HGF: variants seen among roughly 807,000 people sequenced by gnomAD.
The protein encoded by HGF is hepatocyte growth factor, also known as fibroblast-derived tumor cytotoxic factor.
Under a neutral mutation model 111.6 loss-of-function variants are expected in HGF, and 39 were observed. The observed-to-expected ratio is 0.35, with a 90% CI of 0.27 to 0.46. The LOEUF is 0.46. Ranked by LOEUF, HGF falls within the 20% of genes least tolerant of loss-of-function variation. HGF has a pLI of 1.00. For missense variants in HGF, 735 were observed against 910.5 expected (o/e 0.81, Z 2.48); for synonymous variants, 285 against 294.8 (o/e 0.97, Z 0.34).
chr7:81,750,749 A>C (rs1388377860), intron 5 of HGF: 2 of 176,066 alleles, frequency 1.1e-5, no homozygotes, highest in African/African-American at 4.8e-5. Flanking sequence ...TTTCAGGTCA[A>C]ACAAAACCCC....
chr7:81,720,838 C>G lies in HGF; in HGVS notation c.1178G>C (p.Arg393Pro). Residue 393 changes from arginine (R) to proline (P), a missense_variant, in exon 10 of 18, where the codon CGT (arginine) becomes CCT (proline). Physicochemically the swap from Arg to Pro is moderately radical, Grantham distance 103 (BLOSUM62 -2). Transcript: ENST00000222390. ...GCCCATATAATTTTTGCCATTCCCA[C>G]GATAACAATCTAGACATAAAATATA... ...CDMSHGQDCY[R>P]GNGKNYMGNL... The G allele has an allele frequency of 1.3e-6, 2 of 1,570,634 alleles. No individual in the cohort carries two copies. Among genetic ancestry groups the G allele is most frequent in the South Asian group, 1.1e-5 (1 of 90,150 alleles).
At chr7:81,762,009 C>T (rs1789109754) in intron 2 of HGF, among the ~76,000 whole-genome samples, 3 of 152,132 alleles carry the variant, frequency 2.0e-5, no homozygotes, top group Non-Finnish European at 4.4e-5. Context: ...GCAGCTCACT[C>T]CCGCTGTGAG....
At chr7:81,734,860 A>C (rs1267586405) in intron 7 of HGF, among the ~76,000 whole-genome samples, 2 of 151,942 alleles carry the variant, frequency 1.3e-5, no homozygotes, top group Non-Finnish European at 1.5e-5. Context: ...CCAAAAGAAA[A>C]CCCAGATTTC....
intron 8 of HGF, among the ~76,000 whole-genome samples, chr7:81,726,889 A>G (rs1790026084): frequency 6.6e-6 from 1 of 152,010 alleles, no homozygotes; most frequent in African/African-American, 2.4e-5. Flanking sequence ...AATTTTAAAT[A>G]AGTAGGTGCT....
chr7:81,734,724 G>T (rs1787769289), intron 7 of HGF, among the ~76,000 whole-genome samples: 1 of 152,090 alleles, frequency 6.6e-6, no homozygotes, highest in South Asian at 2.1e-4. Flanking sequence ...AATGGTAACT[G>T]GAGAGGAGGA....
chr7:81,729,370 C>A (rs375533770), intron 8 of HGF, among the ~76,000 whole-genome samples: 45 of 152,284 alleles, frequency 3.0e-4, no homozygotes, highest in African/African-American at 1.1e-3. Context: ...CATAGTGAAT[C>A]TACCCTCTGG....
chr7:81,758,180 G>A (rs949670336), intron 3 of HGF, among the ~76,000 whole-genome samples: 1 of 151,506 alleles, frequency 6.6e-6, no homozygotes, highest in African/African-American at 2.4e-5. Flanking sequence ...CAAATAATAT[G>A]GTCTCAATTC....
At position 81,736,894 on chromosome 7, in the gene HGF, G is replaced by GATGTGTGTGTGTGT. The variant is rs1554369033; in HGVS notation, c.865+6458_865+6459insACACACACACACAT. ...AGGGTTTTTAATTTATGTGTAGAGG[G>GATGTGTGTGTGTGT]GTGTGTGTGTGTGTGTGTGTGTGTG... On this transcript the variant is annotated intron_variant, in intron 7 of 17. Coordinates refer to ENST00000222390, the MANE Select transcript of HGF (RefSeq NM_000601.6). Among the ~76,000 whole-genome samples, 3 of 141,966 alleles carry GATGTGTGTGTGTGT rather than the reference G, an allele frequency of 2.1e-5. No individual in the cohort carries two copies. The South Asian group carries it at 6.9e-4, about 33-fold the overall frequency. 93.1% of individuals were successfully genotyped at this position (141,966 alleles called of 152,430 possible).
chr7:81,740,005 T>C (rs745309446), intron 7 of HGF, among the ~76,000 whole-genome samples: 5 of 152,170 alleles, frequency 3.3e-5, no homozygotes, highest in Admixed American at 6.5e-5. Flanking sequence ...TTGTCTTGAA[T>C]TACCATACTG....
chr7:81,725,826 G>A (rs1239344399), intron 9 of HGF, 64 bp downstream of exon 9: 4 of 1,558,922 alleles, frequency 2.6e-6, no homozygotes, highest in African/African-American at 1.4e-5. Flanking sequence ...TGTAAAATGT[G>A]TCCTCCCTTT....
chr7:81,742,654 AG>A, intron 7 of HGF: 3 of 1,200,818 alleles, frequency 2.5e-6, no homozygotes, highest in Non-Finnish European at 3.2e-6. Context: ...CATAGAGGAG[AG>A]GACCAAGTTC....
intron 7 of HGF, among the ~76,000 whole-genome samples, chr7:81,732,250 G>T (rs1405066186): frequency 6.6e-6 from 1 of 152,058 alleles, no homozygotes; most frequent in East Asian, 1.9e-4. Context: ...AGTATGATTT[G>T]CCAGATACCA....
At chr7:81,757,062 C>G in intron 4 of HGF, 127 bp downstream of exon 4, 1 of 702,230 alleles carries the variant, frequency 1.4e-6, no homozygotes, top group African/African-American at 1.8e-5. Flanking sequence ...TAAACCTTGC[C>G]GTAATACAAT....
chr7:81,766,706 A>G (rs569331888), intron 1 of HGF, among the ~76,000 whole-genome samples: 2 of 151,986 alleles, frequency 1.3e-5, no homozygotes, highest in Admixed American at 1.3e-4. Context: ...TCCAGTTCTT[A>G]TTTAAGGTTT....
At chr7:81,760,627 A>G (rs1789016103) in intron 2 of HGF, among the ~76,000 whole-genome samples, 1 of 151,926 alleles carries the variant, frequency 6.6e-6, no homozygotes, top group South Asian at 2.1e-4. Flanking sequence ...ATTCAATTCT[A>G]TATAGCTAAG....
At chr7:81,743,865 G>A (rs996930902) in intron 6 of HGF, among the ~76,000 whole-genome samples, 2 of 152,134 alleles carry the variant, frequency 1.3e-5, no homozygotes, top group Non-Finnish European at 2.9e-5. Context: ...TTTCAATAGC[G>A]CTGTTACTAA....
rs1454915181 is a variant in HGF, at chr7:81,701,693, A to G, written c.*888T>C. On this transcript the variant is annotated 3_prime_UTR_variant, in exon 18 of 18. Coordinates refer to ENST00000222390, the MANE Select transcript of HGF (RefSeq NM_000601.6). ...GCCTTAAGTTTGGAGGAAACAAATTACACAAATAGAACTATTACCCTCTTT... is the reference window on the plus strand; with the variant it reads ...GCCTTAAGTTTGGAGGAAACAAATTGCACAAATAGAACTATTACCCTCTTT... 2 of 151,644 alleles carry G rather than the reference A, an allele frequency of 1.3e-5. No individual in the cohort carries two copies. Among genetic ancestry groups the G allele is most frequent in the Non-Finnish European group, 3.0e-5 (2 of 67,678 alleles). The allele number at this position is 151,644 out of a possible 1,614,324, so 9.4% of individuals were successfully genotyped here.
At position 81,711,782 on chromosome 7, in the gene HGF, C is replaced by A. The variant is rs537897120; in HGVS notation, c.1406-263G>T. ...ACTCAGCCTCCCAAGTAGCTGGAAC[C>A]ACAGGCACACACCACCACACCCAGC... On this transcript the variant is annotated intron_variant, in intron 11 of 17. Transcript: ENST00000222390. 3.6e-4 allele frequency among the ~76,000 whole-genome samples: 54 copies of A among 151,978 alleles called. No individual in the cohort carries two copies. In the East Asian group the frequency reaches 9.9e-3, roughly 28 times the overall value.
intron 7 of HGF, among the ~76,000 whole-genome samples, chr7:81,733,955 A>G (rs1251444163): frequency 1.3e-5 from 2 of 152,176 alleles, no homozygotes; most frequent in African/African-American, 2.4e-5. Context: ...TTTCATGACA[A>G]TTGATTTGAA....
Sources: allele counts gnomAD v4.1 joint callset (sites outside exome capture counted in the v4.1 genomes callset), GRCh38; gene constraint gnomAD v4.1.1; transcripts MANE v1.5; gene names NCBI Gene and HGNC (gene_info 2026-07-23, HGNC 2026-07-21).